The following DNER variants were observed in gnomAD, a reference collection of about 807,000 sequenced individuals.
The protein encoded by DNER is delta and Notch-like epidermal growth factor-related receptor.
DNER carries 33 observed loss-of-function variants against 78.2 expected under a neutral mutation model. The ratio of observed to expected loss-of-function variants is 0.42; its 90% CI spans 0.32 to 0.56. The LOEUF (loss-of-function observed/expected upper bound fraction) is 0.56, where lower values mean the gene tolerates loss of function less well. Among genes scored for constraint, DNER ranks in the 20% least tolerant of loss-of-function variants. DNER has a pLI of 0.11. For synonymous variants in DNER, 417 were observed against 384.8 expected (o/e 1.08, Z -0.98); for missense variants, 918 against 975.3 (o/e 0.94, Z 0.78).
intron 8 of DNER, among the ~76,000 whole-genome samples, chr2:229,435,426 G>A (rs113730718): frequency 1.1e-4 from 17 of 152,276 alleles, no homozygotes; most frequent in African/African-American, 3.4e-4. Flanking sequence ...CAAACAATAA[G>A]TGGTTTTCTT....
intron 1 of DNER, among the ~76,000 whole-genome samples, chr2:229,623,539 G>A (rs1217686370): frequency 6.6e-6 from 1 of 152,186 alleles, no homozygotes; most frequent in African/African-American, 2.4e-5. Flanking sequence ...CCTTAGGGGA[G>A]GCCTGCTACT....
At chr2:229,683,616 G>A (rs907379987) in intron 1 of DNER, among the ~76,000 whole-genome samples, 1 of 152,194 alleles carries the variant, frequency 6.6e-6, no homozygotes, top group Non-Finnish European at 1.5e-5. Flanking sequence ...TGATGATGAT[G>A]ACAATGATGA....
At chr2:229,582,922 A>G (rs1421553943) in intron 4 of DNER, among the ~76,000 whole-genome samples, 1 of 152,184 alleles carries the variant, frequency 6.6e-6, no homozygotes, top group Non-Finnish European at 1.5e-5. Context: ...TACGGGCACG[A>G]GCCACCGCGC....
chr2:229,495,368 C>G (rs1695479854), intron 6 of DNER, among the ~76,000 whole-genome samples: 1 of 152,134 alleles, frequency 6.6e-6, no homozygotes, highest in South Asian at 2.1e-4. Context: ...GTCCCCATAT[C>G]TATGGTCAGC....
intron 1 of DNER, among the ~76,000 whole-genome samples, chr2:229,690,830 G>T (rs908686472): frequency 6.6e-6 from 1 of 152,164 alleles, no homozygotes; most frequent in African/African-American, 2.4e-5. Flanking sequence ...GTGTTTGTGT[G>T]TATACATGTT....
Position 229,714,407 on chromosome 2 carries a change from G to C in DNER, c.17C>G (p.Ala6Gly). The part of the protein sequence containing the change: MQPRR[A>G]QAPGAQLLPA... ...CAGCAGCTGCGCACCGGGCGCCTGGGCGCGGCGGGGCTGCATGGCCGGCCG... is the reference window on the plus strand; with the variant it reads ...CAGCAGCTGCGCACCGGGCGCCTGGCCGCGGCGGGGCTGCATGGCCGGCCG... The change falls in exon 1 of 13, where the codon GCC becomes GGC. Residue 6 changes from alanine (A) to glycine (G), a missense_variant. Coordinates refer to ENST00000341772, the MANE Select transcript of DNER (RefSeq NM_139072.4). 1 of 1,164,574 alleles carries C rather than the reference G, an allele frequency of 8.6e-7. No individual in the cohort carries two copies. Among genetic ancestry groups the C allele is most frequent in the African/African-American group, 1.6e-5 (1 of 61,560 alleles). 72.1% of individuals were successfully genotyped at this position (1,164,574 alleles called of 1,614,324 possible).
At chr2:229,605,724 C>CAAA (rs5839341) in intron 1 of DNER, among the ~76,000 whole-genome samples, 4 of 149,654 alleles carry the variant, frequency 2.7e-5, no homozygotes, top group East Asian at 2.0e-4. Flanking sequence ...CCCATCTCTA[C>CAAA]AAAAAAAAAA....
chr2:229,597,479 T>G (rs1697743830), intron 1 of DNER, among the ~76,000 whole-genome samples: 2 of 152,216 alleles, frequency 1.3e-5, no homozygotes, highest in South Asian at 4.1e-4. Flanking sequence ...GCATCTGCTC[T>G]TGCGTCCCAT....
intron 1 of DNER, among the ~76,000 whole-genome samples, chr2:229,656,561 A>G (rs955623126): frequency 6.6e-6 from 1 of 152,064 alleles, no homozygotes; most frequent in Non-Finnish European, 1.5e-5. Context: ...GCTCACTGCA[A>G]GGGAACCAGC....
intron 4 of DNER, among the ~76,000 whole-genome samples, chr2:229,557,490 G>A (rs1380790120): frequency 1.3e-5 from 2 of 152,174 alleles, no homozygotes; most frequent in Admixed American, 1.3e-4. Flanking sequence ...ATAGGGAATG[G>A]GCTTTTGTCA....
intron 9 of DNER, among the ~76,000 whole-genome samples, chr2:229,417,799 G>GT (rs1292170148): frequency 6.6e-6 from 1 of 152,100 alleles, no homozygotes; most frequent in African/African-American, 2.4e-5. Flanking sequence ...CACAGCCATG[G>GT]TCTCTAACCT....
intron 4 of DNER, among the ~76,000 whole-genome samples, chr2:229,567,643 C>T (rs1280294636): frequency 6.6e-6 from 1 of 152,180 alleles, no homozygotes; most frequent in East Asian, 1.9e-4. Context: ...AGCCCCAAGC[C>T]AATTTAGGTA....
intron 4 of DNER, among the ~76,000 whole-genome samples, chr2:229,564,553 C>G (rs572877143): frequency 6.9e-6 from 1 of 145,496 alleles, no homozygotes; most frequent in African/African-American, 2.6e-5. Context: ...CATCCTCACC[C>G]CATTACCATC....
intron 1 of DNER, among the ~76,000 whole-genome samples, chr2:229,608,880 C>T (rs1697995301): frequency 1.3e-5 from 2 of 152,224 alleles, no homozygotes; most frequent in South Asian, 4.2e-4. Flanking sequence ...TACTATTCTC[C>T]ATTCTTTCTT....
At chr2:229,382,429 C>G (rs1692762031) in intron 11 of DNER, among the ~76,000 whole-genome samples, 1 of 152,048 alleles carries the variant, frequency 6.6e-6, no homozygotes, top group African/African-American at 2.4e-5. Flanking sequence ...GACGAATTGA[C>G]AGAAGTAGGT....
At chr2:229,547,279 G>A (rs891425407) in intron 4 of DNER, among the ~76,000 whole-genome samples, 187 bp from the exon 5 acceptor site, 1 of 152,160 alleles carries the variant, frequency 6.6e-6, no homozygotes, top group Non-Finnish European at 1.5e-5. Flanking sequence ...GAGACCTCAG[G>A]ACTTTAGGGC....
intron 1 of DNER, among the ~76,000 whole-genome samples, chr2:229,679,894 C>T (rs978293762): frequency 2.0e-5 from 3 of 152,182 alleles, no homozygotes; most frequent in African/African-American, 7.2e-5. Flanking sequence ...CAAGCTTTCT[C>T]ACATGAGAAA....
At chr2:229,381,641 C>T (rs1009793340) in intron 11 of DNER, among the ~76,000 whole-genome samples, 5 of 152,156 alleles carry the variant, frequency 3.3e-5, no homozygotes, top group Non-Finnish European at 5.9e-5. Context: ...TTTCCCCTCA[C>T]AGTGTAAACA....
intron 4 of DNER, among the ~76,000 whole-genome samples, chr2:229,557,937 T>C (rs1696883882): frequency 6.6e-6 from 1 of 152,172 alleles, no homozygotes; most frequent in Non-Finnish European, 1.5e-5. Context: ...TGTACATTCA[T>C]TGCAGCACTA....
Sources: allele counts gnomAD v4.1 joint callset (sites outside exome capture counted in the v4.1 genomes callset), GRCh38; gene constraint gnomAD v4.1.1; transcripts MANE v1.5; gene names NCBI Gene and HGNC (gene_info 2026-07-23, HGNC 2026-07-21).